The following ASXL3 variants were observed in gnomAD, a reference collection of about 807,000 sequenced individuals.
The protein encoded by ASXL3 is ASXL transcriptional regulator 3, also known as putative Polycomb group protein ASXL3.
In ASXL3, 34 loss-of-function variants were observed where a neutral mutation model predicts 170.6. The ratio of observed to expected loss-of-function variants is 0.20; its 90% CI spans 0.15 to 0.27. ASXL3 has a LOEUF of 0.27. Among genes scored for constraint, ASXL3 ranks in the 10% least tolerant of loss-of-function variants. The pLI is 1.00. For missense variants in ASXL3, 2,592 were observed against 2,695.3 expected (o/e 0.96, Z 0.85); for synonymous variants, 1,002 against 989.1 (o/e 1.01, Z -0.24).
Position 33,670,670 on chromosome 18 carries a change from T to C in ASXL3, c.478-3T>C. On this transcript the variant is annotated splice_polypyrimidine_tract_variant and splice_region_variant and intron_variant, in intron 5 of 11. Transcript: ENST00000269197. Reference sequence around the variant, plus strand: ...TGTTATATCTTTTTATTATGTTTTGTAGGCTTTGAGGCAGCAGCAGAAAAG... The same window carrying C: ...TGTTATATCTTTTTATTATGTTTTGCAGGCTTTGAGGCAGCAGCAGAAAAG... 6.5e-7 allele frequency: 1 copy of C among 1,534,764 alleles called. No homozygotes were observed. The highest frequency in any genetic ancestry group is 8.8e-7 in the Non-Finnish European group (1 of 1,136,158).
At chr18:33,594,069 C>G (rs1478284661) in intron 1 of ASXL3, among the ~76,000 whole-genome samples, 2 of 152,164 alleles carry the variant, frequency 1.3e-5, no homozygotes, top group East Asian at 3.9e-4. Context: ...TAACAACACT[C>G]TCAAAACTTT....
chr18:33,740,275 A>T lies in ASXL3; in HGVS notation c.2871A>T (p.Arg957Ser). The T allele has an allele frequency of 6.2e-7, 1 of 1,612,896 alleles. No homozygotes were observed. The highest frequency in any genetic ancestry group is 1.3e-5 in the African/African-American group (1 of 75,036). ...CTGATGGGATAAGAAATGAAAGTAG[A>T]GATTCAGAGATATCAAAGAGAAAAA... is the stretch of plus-strand genomic sequence containing the variant. ...KSPDGIRNESRDSEISKRKTA... is the reference protein window; with the variant it reads ...KSPDGIRNESSDSEISKRKTA... Residue 957 changes from arginine to serine, a missense_variant, in exon 11 of 12, where the codon AGA (arginine) becomes AGT (serine). This residue lies in a region of ASXL3 where 2,246 missense variants were observed against 2,219.6 expected (regional missense o/e 1.01). Transcript: ENST00000269197.
intron 8 of ASXL3, among the ~76,000 whole-genome samples, chr18:33,724,324 TA>T (rs2067311045): frequency 6.6e-6 from 1 of 152,172 alleles, no homozygotes; most frequent in Admixed American, 6.6e-5. Flanking sequence ...GCTTGTAGGT[TA>T]AAGTTTATTA....
intron 8 of ASXL3, among the ~76,000 whole-genome samples, chr18:33,721,651 G>A (rs191855251): frequency 7.9e-5 from 12 of 151,980 alleles, no homozygotes; most frequent in Admixed American, 2.6e-4. Flanking sequence ...TGCTTTGTTC[G>A]GTAATATTTC....
chr18:33,636,305 T>TCAACAACAACAACAA (rs367963281), intron 2 of ASXL3, among the ~76,000 whole-genome samples: 4 of 110,742 alleles, frequency 3.6e-5, no homozygotes, highest in African/African-American at 1.4e-4. Context: ...AACCACTGAT[T>TCAACAACAACAACAA]CAACAACAAC....
intron 8 of ASXL3, among the ~76,000 whole-genome samples, chr18:33,703,670 C>A (rs756516415): frequency 7.2e-5 from 11 of 151,986 alleles, no homozygotes; most frequent in Non-Finnish European, 1.3e-4. Flanking sequence ...CCAACCCCCA[C>A]CCCCATCCCT....
At chr18:33,665,475 T>C (rs1178107000) in intron 5 of ASXL3, among the ~76,000 whole-genome samples, 1 of 152,218 alleles carries the variant, frequency 6.6e-6, no homozygotes, top group Non-Finnish European at 1.5e-5. Context: ...GTTTTCTATG[T>C]GTATTTCTAA....
chr18:33,711,251 T>C (rs572939879), intron 8 of ASXL3, among the ~76,000 whole-genome samples: 2 of 152,218 alleles, frequency 1.3e-5, no homozygotes, highest in Non-Finnish European at 2.9e-5. Flanking sequence ...TTATTTTTAA[T>C]GTCCATGGAA....
At chr18:33,604,701 A>G (rs986019962) in intron 1 of ASXL3, among the ~76,000 whole-genome samples, 5 of 151,968 alleles carry the variant, frequency 3.3e-5, no homozygotes, top group Admixed American at 6.6e-5. Flanking sequence ...TGGGGGTCCA[A>G]GCTCTCTCAT....
intron 8 of ASXL3, among the ~76,000 whole-genome samples, chr18:33,720,602 A>G (rs962181072): frequency 6.6e-6 from 1 of 152,086 alleles, no homozygotes; most frequent in Non-Finnish European, 1.5e-5. Flanking sequence ...ATCGCTTCTC[A>G]TCGAGGCCCA....
In ASXL3 at chr18:33,739,095, C is replaced by T. The variant is rs764687129; in HGVS notation, c.1691C>T (p.Ala564Val). 1.2e-6 allele frequency: 2 copies of T among 1,613,222 alleles called. No individual in the cohort carries two copies. The highest frequency in any genetic ancestry group is 8.5e-7 in the Non-Finnish European group (1 of 1,179,548). ...SDTEHKESET[A>V]VETSTPKIKT... ...ACAGAACATAAGGAGTCAGAAACTGCAGTAGAGACCAGTACCCCCAAAATA... is the reference window on the plus strand; with the variant it reads ...ACAGAACATAAGGAGTCAGAAACTGTAGTAGAGACCAGTACCCCCAAAATA... Residue 564 changes from alanine (A) to valine (V), a missense_variant, in exon 11 of 12, where the codon GCA (alanine) becomes GTA (valine). Transcript: ENST00000269197.
rs200334892 is a variant in ASXL3 at position 33,739,058 on chromosome 18, C to T, written c.1654C>T (p.His552Tyr). ...TATTCCTTCCACTTCATCTATGACTCATGTCAGTGACACAGAACATAAGGA... is the reference window on the plus strand; with the variant it reads ...TATTCCTTCCACTTCATCTATGACTTATGTCAGTGACACAGAACATAAGGA... ...SLIPSTSSMT[H>Y]VSDTEHKESE... The change falls in exon 11 of 12, where the codon CAT (histidine) becomes TAT (tyrosine). Residue 552 changes from histidine (H) to tyrosine (Y), a missense_variant. Physicochemically the swap from His to Tyr is moderately conservative, Grantham distance 83 (BLOSUM62 2). This residue lies in a region of ASXL3 where 2,246 missense variants were observed against 2,219.6 expected (regional missense o/e 1.01). Transcript: ENST00000269197. The T allele has an allele frequency of 3.4e-4, 541 of 1,613,388 alleles. 6 individuals carry two copies. In the South Asian group the frequency reaches 5.4e-3, roughly 16 times the overall value.
intron 4 of ASXL3, among the ~76,000 whole-genome samples, chr18:33,648,199 A>G (rs957314236): frequency 6.6e-6 from 1 of 152,134 alleles, no homozygotes; most frequent in Non-Finnish European, 1.5e-5. Flanking sequence ...CAGGATCACT[A>G]ACTACGAAAA....
chr18:33,701,558 G>T (rs866478280), intron 8 of ASXL3, among the ~76,000 whole-genome samples: 1 of 151,778 alleles, frequency 6.6e-6, no homozygotes, highest in Non-Finnish European at 1.5e-5. Flanking sequence ...TTGTATATGG[G>T]TTTTTTTCTT....
chr18:33,614,997 A>G (rs1190434640), intron 2 of ASXL3: 5 of 152,244 alleles, frequency 3.3e-5, no homozygotes, highest in African/African-American at 9.6e-5. Context: ...TAAATGATCA[A>G]CTTCAACTTA....
intron 2 of ASXL3, among the ~76,000 whole-genome samples, chr18:33,607,999 A>G (rs991644591): frequency 6.6e-6 from 1 of 151,980 alleles, no homozygotes; most frequent in African/African-American, 2.4e-5. Flanking sequence ...TGAAAGAGAA[A>G]CACTTTTACA....
chr18:33,613,475 A>C (rs1426356597), intron 2 of ASXL3, among the ~76,000 whole-genome samples: 1 of 152,116 alleles, frequency 6.6e-6, no homozygotes, highest in Non-Finnish European at 1.5e-5. Context: ...ATTTGATTCC[A>C]GACCATCCCA....
chr18:33,675,801 C>T (rs930302692), intron 7 of ASXL3, among the ~76,000 whole-genome samples: 6 of 151,782 alleles, frequency 4.0e-5, no homozygotes, highest in Admixed American at 3.3e-4. Context: ...GCACCATGGA[C>T]CCCCTCAGAC....
At chr18:33,606,912 T>A (rs1386281192) in intron 1 of ASXL3, among the ~76,000 whole-genome samples, 4 of 152,000 alleles carry the variant, frequency 2.6e-5, no homozygotes, top group Admixed American at 6.6e-5. Context: ...CTATGTCCTG[T>A]GTATTCCACA....
Sources: allele counts gnomAD v4.1 joint callset (sites outside exome capture counted in the v4.1 genomes callset), GRCh38; gene constraint gnomAD v4.1.1; regional missense constraint gnomAD v4.1.1; transcripts MANE v1.5; gene names NCBI Gene and HGNC (gene_info 2026-07-23, HGNC 2026-07-21).